Variants in RELN observed in about 807,000 individuals in gnomAD.
The protein encoded by RELN is reelin.
In RELN, 108 loss-of-function variants were observed where a neutral mutation model predicts 427.6. The observed-to-expected ratio is 0.25, with a 90% confidence interval of 0.22 to 0.30. RELN has a LOEUF of 0.30. RELN is among the 10% of genes least tolerant of loss of function. RELN has a pLI of 1.00. For missense variants in RELN, 3,715 were observed against 4,302.8 expected (o/e 0.86, Z 3.82); for synonymous variants, 1,524 against 1,513.4 (o/e 1.01, Z -0.16).
chr7:103,501,396 T>C (rs984246001), intron 52 of RELN, among the ~76,000 whole-genome samples: 4 of 152,172 alleles, frequency 2.6e-5, no homozygotes, highest in African/African-American at 4.8e-5. Flanking sequence ...CTGAAGACAA[T>C]CAATATTCTC....
intron 2 of RELN, among the ~76,000 whole-genome samples, chr7:103,847,264 C>T (rs142549782): frequency 0.011 from 1,615 of 152,224 alleles, 28 homozygotes; most frequent in African/African-American, 0.036. Flanking sequence ...ATGTCCTTTG[C>T]AGGGACATGG....
chr7:103,535,505 T>G, intron 45 of RELN, 21 bp from the exon 46 acceptor site: 1 of 1,610,998 alleles, frequency 6.2e-7, no homozygotes, highest in Non-Finnish European at 8.5e-7. Context: ...AAACATTATT[T>G]TGGATATAAA....
intron 57 of RELN, among the ~76,000 whole-genome samples, chr7:103,494,688 G>A (rs1299207789): frequency 2.0e-5 from 3 of 151,472 alleles, no homozygotes; most frequent in African/African-American, 7.3e-5. Context: ...TACATCAATT[G>A]ATATTGCTTT....
chr7:103,551,309 GA>G lies in RELN; in HGVS notation c.6073-14del, dbSNP rs776679910. The G allele has an allele frequency of 1.5e-5, 24 of 1,586,468 alleles. No homozygotes were observed. Among genetic ancestry groups the G allele is most frequent in the Non-Finnish European group, 2.0e-5 (23 of 1,158,604 alleles). On this transcript the variant is annotated splice_polypyrimidine_tract_variant and intron_variant, in intron 40 of 64. Transcript: ENST00000428762. The stretch of plus-strand genomic sequence containing the variant: ...AGCCAACGTTGATCTTGGGGATGAA[GA>G]AAAAAATGATACAAATTACCTCAGA...
intron 4 of RELN, among the ~76,000 whole-genome samples, chr7:103,762,387 C>G (rs1274551575): frequency 6.6e-6 from 1 of 152,206 alleles, no homozygotes; most frequent in Admixed American, 6.5e-5. Context: ...CTTAGTACCT[C>G]AAGTACATAG....
At chr7:103,874,967 G>C (rs1027030852) in intron 2 of RELN, among the ~76,000 whole-genome samples, 1 of 146,228 alleles carries the variant, frequency 6.8e-6, no homozygotes, top group Non-Finnish European at 1.5e-5. Flanking sequence ...ATACTACAAG[G>C]CTACAGTAAC....
chr7:103,507,289 ACTC>A (rs1349249168), intron 51 of RELN, among the ~76,000 whole-genome samples: 1 of 152,050 alleles, frequency 6.6e-6, no homozygotes, highest in Non-Finnish European at 1.5e-5. Context: ...GAAGTAAAAA[ACTC>A]CTCAGCAAAT....
chr7:103,872,307 T>C (rs1189360560), intron 2 of RELN, among the ~76,000 whole-genome samples: 1 of 136,348 alleles, frequency 7.3e-6, no homozygotes, highest in African/African-American at 2.6e-5. Context: ...AGTGAGAATA[T>C]GCGGTGTTTG....
intron 4 of RELN, 69 bp downstream of exon 4, chr7:103,776,488 G>A (rs957164979): frequency 2.7e-6 from 4 of 1,474,564 alleles, no homozygotes; most frequent in Admixed American, 3.3e-5. Context: ...TGCTTACTTG[G>A]TACATAGAAC....
At chr7:103,663,875 G>A (rs918924978) in intron 11 of RELN, among the ~76,000 whole-genome samples, 3 of 152,058 alleles carry the variant, frequency 2.0e-5, no homozygotes, top group South Asian at 2.1e-4. Flanking sequence ...TTAAAGATTC[G>A]CAGGCCTAAA....
At chr7:103,913,433 C>T (rs1795412489) in intron 2 of RELN, among the ~76,000 whole-genome samples, 1 of 152,104 alleles carries the variant, frequency 6.6e-6, no homozygotes, top group South Asian at 2.1e-4. Flanking sequence ...ACCACATTTG[C>T]TTAACATTCC....
intron 48 of RELN, among the ~76,000 whole-genome samples, chr7:103,519,952 A>T (rs957393915): frequency 1.3e-5 from 2 of 152,202 alleles, no homozygotes; most frequent in African/African-American, 4.8e-5. Context: ...TTTGCCTAGT[A>T]CACAGTAGGT....
At chr7:103,609,890 C>G (rs745908264) in intron 22 of RELN, among the ~76,000 whole-genome samples, 3 of 152,142 alleles carry the variant, frequency 2.0e-5, no homozygotes, top group Non-Finnish European at 4.4e-5. Flanking sequence ...AACTACAGGA[C>G]TGGAGGGACC....
intron 3 of RELN, among the ~76,000 whole-genome samples, chr7:103,830,184 A>G (rs1311547330): frequency 2.6e-5 from 4 of 151,982 alleles, no homozygotes; most frequent in Non-Finnish European, 5.9e-5. Flanking sequence ...ATAAAATATA[A>G]TATCATTATT....
intron 2 of RELN, among the ~76,000 whole-genome samples, chr7:103,908,360 T>G (rs1795264235): frequency 6.6e-6 from 1 of 152,312 alleles, no homozygotes. Flanking sequence ...TACTAGGTAT[T>G]TGAACTGATA....
chr7:103,472,795 A>G lies in RELN; in HGVS notation c.*17T>C. On this transcript the variant is annotated 3_prime_UTR_variant, in exon 65 of 65. Coordinates refer to ENST00000428762, the MANE Select transcript of RELN (RefSeq NM_005045.4). ...CACATCACATGTTGGAAGAAAAAAA[A>G]TAAACTTTTTGATTCTTCATGGGTA... 1 of 1,595,702 alleles carries G rather than the reference A, an allele frequency of 6.3e-7. No homozygotes were observed. The highest frequency in any genetic ancestry group is 8.6e-7 in the Non-Finnish European group (1 of 1,163,286).
rs78804983 is a variant in RELN, at chr7:103,563,585, T to G, written c.5211-1632A>C. ...TTTATTATTGAAGAAAGAAAAATAT[T>G]CTTTTTTTAAATTTAGTGGAGCCTA... is the stretch of plus-strand genomic sequence containing the variant. On this transcript the variant is annotated intron_variant, in intron 34 of 64. Coordinates refer to ENST00000428762, the MANE Select transcript of RELN (RefSeq NM_005045.4). The surrounding 1 kb of genome is among the most constrained non-coding windows in gnomAD (Gnocchi z 4.1). Among the ~76,000 whole-genome samples, 2,559 of 152,282 alleles carry G rather than the reference T, an allele frequency of 0.017. 78 individuals are homozygous for G. The highest frequency in any genetic ancestry group is 0.06 in the African/African-American group (2,475 of 41,544).
intron 2 of RELN, among the ~76,000 whole-genome samples, chr7:103,914,090 G>A (rs1795429204): frequency 6.6e-6 from 1 of 152,122 alleles, no homozygotes; most frequent in African/African-American, 2.4e-5. Context: ...TCTAATTCAA[G>A]TACAAATCGA....
At chr7:103,788,598 G>C (rs912154280) in intron 3 of RELN, among the ~76,000 whole-genome samples, 3 of 152,064 alleles carry the variant, frequency 2.0e-5, no homozygotes, top group African/African-American at 7.2e-5. Context: ...AATTGCGACA[G>C]AGAATAAAAT....
Sources: allele counts gnomAD v4.1 joint callset (sites outside exome capture counted in the v4.1 genomes callset), GRCh38; gene constraint gnomAD v4.1.1; non-coding constraint Gnocchi (gnomAD v3.1); transcripts MANE v1.5; gene names NCBI Gene and HGNC (gene_info 2026-07-23, HGNC 2026-07-21).